SPG7: variants seen among roughly 807,000 people sequenced by gnomAD.
SPG7 encodes SPG7 matrix AAA peptidase subunit, paraplegin, also known as mitochondrial inner membrane m-AAA protease component paraplegin.
Under a neutral mutation model 81.9 loss-of-function variants are expected in SPG7, and 103 were observed. The ratio of observed to expected loss-of-function variants is 1.26; its 90% CI spans 1.07 to 1.48. The LOEUF (loss-of-function observed/expected upper bound fraction) is 1.48. Ranked by LOEUF, SPG7 falls within the 40% of genes most tolerant of loss-of-function variation. The probability of loss-of-function intolerance (pLI) is 0.00; values close to 1 mark genes in which losing one functional copy is unlikely to be tolerated. For missense variants in SPG7, 1,241 were observed against 1,087.3 expected (o/e 1.14, Z -1.99); for synonymous variants, 534 against 444.2 (o/e 1.20, Z -2.54).
intron 4 of SPG7, among the ~76,000 whole-genome samples, chr16:89,525,257 A>G (rs1485335071): frequency 6.6e-6 from 1 of 152,160 alleles, no homozygotes; most frequent in Non-Finnish European, 1.5e-5. Flanking sequence ...GTCAGCCACC[A>G]CGCCTGGCGC....
In SPG7 at chr16:89,536,882, C is replaced by T. The variant is rs371077773; in HGVS notation, c.1324+4246C>T. ...TCACGGAGGGCAATGGAGGGTCATT[C>T]GCTCTGCTGGGGTTGCCTTTTGCAC... On this transcript the variant is annotated intron_variant, in intron 9 of 16. Coordinates refer to ENST00000645818, the MANE Select transcript of SPG7 (RefSeq NM_003119.4). 230 of 1,614,064 alleles carry T rather than the reference C, an allele frequency of 1.4e-4. 1 individual carries two copies. Among genetic ancestry groups the T allele is most frequent in the East Asian group, 2.9e-4 (13 of 44,886 alleles).
Position 89,544,731 on chromosome 16 carries a change from C to A in SPG7, c.1408C>A (p.Arg470=). The A allele has an allele frequency of 1.9e-6, 3 of 1,614,082 alleles. No individual in the cohort carries two copies. The highest frequency in any genetic ancestry group is 2.5e-6 in the Non-Finnish European group (3 of 1,180,004). ...ILDGALMRPG[R]LDRHVFIDLP... is the part of the protein sequence containing the mutation. ...GGACGGTGCTCTGATGAGGCCAGGCCGACTGGACCGGCACGTCTTCATTGA... is the reference window on the plus strand; with the variant it reads ...GGACGGTGCTCTGATGAGGCCAGGCAGACTGGACCGGCACGTCTTCATTGA... Residue 470 remains arginine, a synonymous_variant, in exon 10 of 17, where the codon CGA becomes AGA. Transcript: ENST00000645818.
chr16:89,547,204 C>G (rs2058575404), intron 11 of SPG7: 1 of 212,188 alleles, frequency 4.7e-6, no homozygotes, highest in Non-Finnish European at 9.7e-6. Context: ...AAGTTAATGT[C>G]AACAAACCTC....
chr16:89,546,578 C>CT, intron 10 of SPG7, 80 bp from the exon 11 acceptor site: 1 of 942,782 alleles, frequency 1.1e-6, no homozygotes, highest in Non-Finnish European at 1.7e-6. Flanking sequence ...GGGACCCCCC[C>CT]CCCCCACAGA....
chr16:89,512,661 T>A (rs192782555), intron 2 of SPG7, among the ~76,000 whole-genome samples: 12 of 152,364 alleles, frequency 7.9e-5, no homozygotes, highest in African/African-American at 2.4e-4. Flanking sequence ...TTCGTGATAT[T>A]TTCCCAAATT....
At chr16:89,545,521 C>G (rs967192265) in intron 10 of SPG7, 51 of 197,464 alleles carry the variant, frequency 2.6e-4, no homozygotes, top group African/African-American at 1.1e-3. Context: ...CACGGCTTCT[C>G]CAGGGGACAC....
intron 10 of SPG7, chr16:89,546,377 T>A: frequency 2.5e-6 from 1 of 402,334 alleles, no homozygotes; most frequent in South Asian, 2.0e-5. Flanking sequence ...GTTCTGTTCG[T>A]GTTTAAAATG....
intron 8 of SPG7, 112 bp from the exon 9 acceptor site, chr16:89,532,351 G>T (rs2152403676): frequency 7.5e-7 from 1 of 1,329,992 alleles, no homozygotes; most frequent in Non-Finnish European, 1.1e-6. Flanking sequence ...GTAGGGAATG[G>T]AGCTGGTAGC....
At chr16:89,518,278 G>T (rs1437810286) in intron 3 of SPG7, 1 of 152,200 alleles carries the variant, frequency 6.6e-6, no homozygotes, top group African/African-American at 2.4e-5. Flanking sequence ...TTTGCCAGCC[G>T]TGCAGAATGA....
chr16:89,541,341 C>T (rs1295951994), intron 9 of SPG7: 16 of 982,792 alleles, frequency 1.6e-5, no homozygotes, highest in African/African-American at 1.0e-4. Context: ...AAGGAAATGA[C>T]GCAAAGTGAG....
At chr16:89,549,683 C>T (rs1269119540) in intron 12 of SPG7, 1 of 172,494 alleles carries the variant, frequency 5.8e-6, no homozygotes, top group East Asian at 1.6e-4. Context: ...GAAAAAAAGC[C>T]TTGTCCCTGA....
At chr16:89,551,528 A>G (rs2058634251) in intron 13 of SPG7, 1 of 152,300 alleles carries the variant, frequency 6.6e-6, no homozygotes, top group Non-Finnish European at 1.5e-5. Flanking sequence ...AGCTAGGCCC[A>G]CTGTGGGGCG....
At chr16:89,544,407 G>C (rs1285654101) in intron 9 of SPG7, 3 of 477,746 alleles carry the variant, frequency 6.3e-6, no homozygotes, top group Admixed American at 3.2e-5. Context: ...GCTCCCGGAG[G>C]GCCTTGGACA....
intron 9 of SPG7, 164 bp from the exon 10 acceptor site, chr16:89,544,484 G>C: frequency 2.7e-6 from 2 of 751,468 alleles, no homozygotes; most frequent in Non-Finnish European, 4.6e-6. Flanking sequence ...GGCTGGGAGC[G>C]ATGGGGGATC....
intron 16 of SPG7, 191 bp from the exon 17 acceptor site, chr16:89,556,696 C>G (rs1469573561): frequency 1.6e-6 from 1 of 624,046 alleles, no homozygotes. Flanking sequence ...GCCGGAAAAT[C>G]ATTTATGAGG....
intron 14 of SPG7, 140 bp from the exon 15 acceptor site, chr16:89,553,654 T>C: frequency 1.3e-6 from 1 of 763,682 alleles, no homozygotes; most frequent in Non-Finnish European, 2.2e-6. Flanking sequence ...ACGTCCTCAC[T>C]GTCCAGCTTC....
chr16:89,552,997 A>C lies in SPG7; in HGVS notation c.1798A>C (p.Thr600Pro). The C allele has an allele frequency of 6.2e-7, 1 of 1,613,920 alleles. No individual in the cohort carries two copies. Among genetic ancestry groups the C allele is most frequent in the Non-Finnish European group, 8.5e-7 (1 of 1,179,874 alleles). Residue 600 changes from threonine to proline, a missense_variant, in exon 14 of 17, where the codon ACA becomes CCA. Thr to Pro is a conservative substitution (Grantham distance 38, BLOSUM62 -1). Coordinates refer to ENST00000645818, the MANE Select transcript of SPG7 (RefSeq NM_003119.4). ...GTGCCAGGTCTCCATAACCCCTCGG[A>C]CAAACGCCGCCCTGGGCTTTGCTCA... ...AVMKVSITPRTNAALGFAQML... is the reference protein window; with the variant it reads ...AVMKVSITPRPNAALGFAQML...
rs748340418 is a variant in SPG7, at chr16:89,548,119, G to T, written c.1663+6G>T. 1.3e-5 allele frequency: 20 copies of T among 1,593,624 alleles called. No homozygotes were observed. In the South Asian group the frequency reaches 2.1e-4, roughly 17 times the overall value. On this transcript the variant is annotated splice_donor_region_variant and intron_variant, in intron 12 of 16. Coordinates refer to ENST00000645818, the MANE Select transcript of SPG7 (RefSeq NM_003119.4). The stretch of plus-strand genomic sequence containing the variant: ...CGTGGAGCGCGTCCTCGCAGGTACA[G>T]GGGGCGCGCCCTGGGTGAAGGCCCT...
intron 3 of SPG7, chr16:89,523,781 C>G: frequency 2.9e-6 from 2 of 692,170 alleles, no homozygotes; most frequent in South Asian, 3.0e-5. Context: ...CACTCCTGCT[C>G]CTCACTGAAG....
Sources: allele counts gnomAD v4.1 joint callset (sites outside exome capture counted in the v4.1 genomes callset), GRCh38; gene constraint gnomAD v4.1.1; transcripts MANE v1.5; gene names NCBI Gene and HGNC (gene_info 2026-07-23, HGNC 2026-07-21).